Variants in ZNF728 observed in about 807,000 individuals in gnomAD.
ZNF728 encodes zinc finger protein 728.
Under a neutral mutation model 12.5 loss-of-function variants are expected in ZNF728, and 12 were observed. That is an observed-to-expected ratio of 0.96 (90% CI 0.61 to 1.55). The LOEUF (loss-of-function observed/expected upper bound fraction) is 1.55. Ranked by LOEUF, ZNF728 falls within the 40% of genes most tolerant of loss-of-function variation. The pLI is 0.00. For missense variants in ZNF728, 692 were observed against 719.2 expected (o/e 0.96, Z 0.43); for synonymous variants, 205 against 240.7 (o/e 0.85, Z 1.37).
intron 1 of ZNF728, among the ~76,000 whole-genome samples, chr19:22,988,776 G>A (rs1233917445): frequency 6.6e-6 from 1 of 152,132 alleles, no homozygotes; most frequent in African/African-American, 2.4e-5. Flanking sequence ...TGTGTGCCAG[G>A]CGTGGTGGCT....
intron 3 of ZNF728, among the ~76,000 whole-genome samples, chr19:22,980,299 G>A (rs1968848984): frequency 6.6e-6 from 1 of 151,540 alleles, no homozygotes; most frequent in Admixed American, 6.6e-5. Context: ...ATTACATAAT[G>A]GTAAAGGGGT....
intron 3 of ZNF728, among the ~76,000 whole-genome samples, chr19:22,983,950 C>A (rs1968887170): frequency 1.3e-5 from 2 of 151,936 alleles, no homozygotes; most frequent in Admixed American, 1.3e-4. Flanking sequence ...CACGTGCATA[C>A]CTACGTAACA....
chr19:23,000,874 A>AAAAAC (rs1969103724), intron 1 of ZNF728, among the ~76,000 whole-genome samples: 1 of 138,098 alleles, frequency 7.2e-6, no homozygotes. Context: ...TCAAAAAAAA[A>AAAAAC]AAAAAAAAAA....
intron 3 of ZNF728, among the ~76,000 whole-genome samples, chr19:22,986,656 A>G (rs1968920116): frequency 6.6e-6 from 1 of 152,170 alleles, no homozygotes; most frequent in South Asian, 2.1e-4. Flanking sequence ...TTAAAATGCC[A>G]TATTATCCAA....
chr19:22,993,806 G>C (rs550808886), intron 1 of ZNF728, among the ~76,000 whole-genome samples: 3 of 152,116 alleles, frequency 2.0e-5, no homozygotes, highest in Non-Finnish European at 4.4e-5. Flanking sequence ...ATACATAGCT[G>C]AAAAAAAGGG....
intron 1 of ZNF728, chr19:22,995,511 C>T (rs529200309): frequency 1.3e-5 from 2 of 151,634 alleles, no homozygotes; most frequent in African/African-American, 2.4e-5. Context: ...GATCTTGGCT[C>T]ACTGCAACCT....
chr19:22,975,564 G>T lies in ZNF728; in HGVS notation c.1773C>A (p.Phe591Leu). 6.3e-7 allele frequency: 1 copy of T among 1,593,604 alleles called. No individual in the cohort carries two copies. Among genetic ancestry groups the T allele is most frequent in the Non-Finnish European group, 8.5e-7 (1 of 1,171,162 alleles). Residue 591 changes from phenylalanine (F) to leucine (L), a missense_variant, in exon 4 of 4, where the codon TTC becomes TTA. By Grantham distance (22) the Phe-to-Leu change is conservative (BLOSUM62 0). This residue lies in a region of ZNF728 where 244 missense variants were observed against 235.2 expected (regional missense o/e 1.04). Coordinates refer to ENST00000594710, the MANE Select transcript of ZNF728 (RefSeq NM_001267716.2). ...KHKKIHAGKKFYKCEECGKDF... is the reference protein window; with the variant it reads ...KHKKIHAGKKLYKCEECGKDF... ...CTTTACCACATTCTTCACATTTGTA[G>T]AATTTCTTTCCAGCATGAATTTTCT...
intron 1 of ZNF728, among the ~76,000 whole-genome samples, chr19:22,992,751 A>T (rs1385443568): frequency 6.6e-6 from 1 of 152,174 alleles, no homozygotes; most frequent in East Asian, 1.9e-4. Flanking sequence ...TTTCTCTCAC[A>T]ATGGGACAGA....
rs779825999 is a variant in ZNF728, at chr19:22,976,470, A to T, written c.867T>A (p.Cys289Ter). ...TTGAGGCCTTACTAAAGGCTTTGCC[A>T]CATTCTTCACATTTGTAGGGTTTCT... ...AGEKPYKCEE[C>*]GKAFSKASTL... The change falls in exon 4 of 4, where the codon TGT becomes TGA. Residue 289 changes from cysteine to a stop codon, truncating the protein, a stop_gained. Transcript: ENST00000594710. LOFTEE classifies it low-confidence loss of function (END_TRUNC). The T allele has an allele frequency of 5.0e-6, 8 of 1,613,152 alleles. No individual in the cohort carries two copies. Among genetic ancestry groups the T allele is most frequent in the Non-Finnish European group, 6.8e-6 (8 of 1,179,958 alleles).
intron 1 of ZNF728, among the ~76,000 whole-genome samples, chr19:23,000,674 C>G (rs1201499042): frequency 1.3e-5 from 2 of 151,618 alleles, no homozygotes; most frequent in Non-Finnish European, 1.5e-5. Flanking sequence ...GCTCAAACAG[C>G]CTGGTCAACA....
chr19:22,988,399 T>C lies in ZNF728; in HGVS notation c.56A>G (p.Gln19Arg), dbSNP rs746856005. ...VAIQFSLEEW[Q>R]CLDTAQQNLY... ...ATTCTGCTGTGCAGTGTCCAGGCAT[T>C]GCCACTCCTCCAGAGAGAATTGTAT... is the stretch of plus-strand genomic sequence containing the variant. Residue 19 changes from glutamine (Q) to arginine (R), a missense_variant, in exon 2 of 4, where the codon CAA (glutamine) becomes CGA (arginine). Transcript: ENST00000594710. 34 of 1,614,014 alleles carry C rather than the reference T, an allele frequency of 2.1e-5. No individual in the cohort carries two copies. In the Admixed American group the frequency reaches 5.0e-4, roughly 24 times the overall value.
Position 22,976,552 on chromosome 19 carries a change from C to A in ZNF728, c.785G>T (p.Gly262Val). The change falls in exon 4 of 4, where the codon GGC (glycine) becomes GTC (valine). Residue 262 changes from glycine (G) to valine (V), a missense_variant. This residue lies in a region of ZNF728 where 440 missense variants were observed against 459.6 expected (regional missense o/e 0.96). Coordinates refer to ENST00000594710, the MANE Select transcript of ZNF728 (RefSeq NM_001267716.2). ...GEKHYKCEEC[G>V]KAFTRSSSLI... ...GCTTGAGGACCGGGTGAAGGCTTTGCCACATTCTTCACATTTGTAATGTTT... is the reference window on the plus strand; with the variant it reads ...GCTTGAGGACCGGGTGAAGGCTTTGACACATTCTTCACATTTGTAATGTTT... The A allele has an allele frequency of 1.2e-6, 2 of 1,612,546 alleles. 1 individual carries two copies. The highest frequency in any genetic ancestry group is 2.2e-5 in the South Asian group (2 of 91,064).
intron 1 of ZNF728, among the ~76,000 whole-genome samples, chr19:22,990,023 T>C (rs556048625): frequency 5.6e-4 from 85 of 152,274 alleles, no homozygotes; most frequent in African/African-American, 1.9e-3. Flanking sequence ...TATAAAATCA[T>C]AGTGAGATTT....
At chr19:23,001,048 G>GGAGACTCTGAACTAT (rs1329111980) in intron 1 of ZNF728, among the ~76,000 whole-genome samples, 1 of 145,516 alleles carries the variant, frequency 6.9e-6, no homozygotes, top group Admixed American at 6.7e-5. Flanking sequence ...CATTCTCTCA[G>GGAGACTCTGAACTAT]GAGACTCTGA....
intron 1 of ZNF728, among the ~76,000 whole-genome samples, chr19:23,002,615 C>A (rs576164053): frequency 2.8e-4 from 43 of 152,274 alleles, no homozygotes; most frequent in Admixed American, 1.4e-3. Context: ...AATATTTGTG[C>A]GGTGACTTCT....
At chr19:22,979,006 G>A (rs1352478683) in intron 3 of ZNF728, among the ~76,000 whole-genome samples, 1 of 152,164 alleles carries the variant, frequency 6.6e-6, no homozygotes, top group Non-Finnish European at 1.5e-5. Context: ...AACAGAGAAT[G>A]AGTTTGACAA....
At chr19:22,979,310 G>A (rs1968837705) in intron 3 of ZNF728, among the ~76,000 whole-genome samples, 1 of 152,070 alleles carries the variant, frequency 6.6e-6, no homozygotes, top group South Asian at 2.1e-4. Flanking sequence ...GACAAGATTA[G>A]AGAAAAAAAG....
chr19:22,988,596 C>T, intron 1 of ZNF728, 145 bp from the exon 2 acceptor site: 1 of 1,220,826 alleles, frequency 8.2e-7, no homozygotes, highest in Non-Finnish European at 1.1e-6. Flanking sequence ...TAGTTTTCAA[C>T]ACAACAATAT....
chr19:22,991,863 T>C (rs1485923011), intron 1 of ZNF728, among the ~76,000 whole-genome samples: 1 of 152,214 alleles, frequency 6.6e-6, no homozygotes, highest in Admixed American at 6.5e-5. Context: ...TCAGTTCTTT[T>C]TGTTAAAGCT....
Sources: allele counts gnomAD v4.1 joint callset (sites outside exome capture counted in the v4.1 genomes callset), GRCh38; gene constraint gnomAD v4.1.1; regional missense constraint gnomAD v4.1.1; transcripts MANE v1.5; gene names NCBI Gene and HGNC (gene_info 2026-07-23, HGNC 2026-07-21).